The following KNL1 variants were observed in gnomAD, a reference collection of about 807,000 sequenced individuals.
The protein encoded by KNL1 is kinetochore scaffold 1, also known as outer kinetochore KNL1 complex subunit KNL1.
KNL1 carries 66 observed loss-of-function variants against 201.3 expected under a neutral mutation model. That is an observed-to-expected ratio of 0.33 (90% CI 0.27 to 0.40). The LOEUF (loss-of-function observed/expected upper bound fraction) is 0.40. Among genes scored for constraint, KNL1 ranks in the 10% least tolerant of loss-of-function variants. KNL1 has a pLI of 1.00. For missense variants in KNL1, 2,815 were observed against 2,690.5 expected (o/e 1.05, Z -1.02); for synonymous variants, 895 against 899.2 (o/e 1.00, Z 0.08).
In KNL1 at chr15:40,624,832, A is replaced by G; in HGVS notation, c.4568A>G (p.His1523Arg). ...AACTATAATACAGCTCTAGATTTCC[A>G]CAGTAACTCAGACGTAACTAAGCAA... is the stretch of plus-strand genomic sequence containing the variant. ...TTNYNTALDFHSNSDVTKQVI... is the reference protein window; with the variant it reads ...TTNYNTALDFRSNSDVTKQVI... The change falls in exon 10 of 26, where the codon CAC becomes CGC. Residue 1523 changes from histidine (H) to arginine (R), a missense_variant. Coordinates refer to ENST00000399668, the MANE Select transcript of KNL1 (RefSeq NM_144508.5). 1 of 1,613,306 alleles carries G rather than the reference A, an allele frequency of 6.2e-7. No individual in the cohort carries two copies. Among genetic ancestry groups the G allele is most frequent in the Non-Finnish European group, 8.5e-7 (1 of 1,179,916 alleles).
chr15:40,617,641 AC>A (rs1892383701), intron 8 of KNL1, among the ~76,000 whole-genome samples: 1 of 151,882 alleles, frequency 6.6e-6, no homozygotes, highest in Non-Finnish European at 1.5e-5. Context: ...CTCCCATAAC[AC>A]CTCTTTTATT....
chr15:40,644,210 G>A (rs538315198), intron 14 of KNL1, among the ~76,000 whole-genome samples: 2 of 152,204 alleles, frequency 1.3e-5, no homozygotes, highest in Non-Finnish European at 2.9e-5. Flanking sequence ...AAACATGTAA[G>A]CAATAGAATC....
chr15:40,630,319 T>C (rs182115644), intron 13 of KNL1, among the ~76,000 whole-genome samples: 15 of 149,940 alleles, frequency 1.0e-4, no homozygotes, highest in Admixed American at 7.9e-4. Context: ...AAAGAAAACA[T>C]TAATAAATTT....
intron 13 of KNL1, among the ~76,000 whole-genome samples, chr15:40,630,997 A>T (rs1892898268): frequency 6.6e-6 from 1 of 152,152 alleles, no homozygotes; most frequent in African/African-American, 2.4e-5. Context: ...ACACACCTGT[A>T]GTCCCCGCTA....
In KNL1 at chr15:40,623,171, A is replaced by C. The variant is rs201839923; in HGVS notation, c.2907A>C (p.Arg969Ser). The change falls in exon 10 of 26, where the codon AGA becomes AGC. Residue 969 changes from arginine to serine, a missense_variant. Physicochemically the swap from Arg to Ser is moderately radical, Grantham distance 110. Transcript: ENST00000399668. ...TVFIDYQEKE[R>S]TDRPNFELSQ... is the part of the protein sequence containing the mutation. ...TCATTGACTACCAAGAAAAGGAAAG[A>C]ACAGACAGACCTAACTTTGAACTAT... 3.5e-5 allele frequency: 56 copies of C among 1,614,026 alleles called. No individual in the cohort carries two copies. In the East Asian group the frequency reaches 1.2e-3, roughly 36 times the overall value.
intron 1 of KNL1, among the ~76,000 whole-genome samples, chr15:40,594,839 G>A (rs1299829691): frequency 6.6e-6 from 1 of 152,228 alleles, no homozygotes; most frequent in Admixed American, 6.5e-5. Flanking sequence ...AAAATTCTCA[G>A]CTCTTCGTGG....
intron 7 of KNL1, among the ~76,000 whole-genome samples, chr15:40,613,871 C>T (rs1472960605): frequency 6.6e-6 from 1 of 152,114 alleles, no homozygotes; most frequent in African/African-American, 2.4e-5. Flanking sequence ...CATCTCGGCC[C>T]ACTGCAAGCT....
chr15:40,652,125 T>A lies in KNL1; in HGVS notation c.6415+20T>A. The A allele has an allele frequency of 6.6e-7, 1 of 1,515,152 alleles. No homozygotes were observed. The highest frequency in any genetic ancestry group is 9.2e-7 in the Non-Finnish European group (1 of 1,091,404). 93.9% of individuals were successfully genotyped at this position (1,515,152 alleles called of 1,614,324 possible). On this transcript the variant is annotated intron_variant, in intron 21 of 25. Coordinates refer to ENST00000399668, the MANE Select transcript of KNL1 (RefSeq NM_144508.5). ...CAGTTGGTAAGGAGCCAAAGTGAGA[T>A]AATTCTTTTACAGAAAAATGAATGG...
chr15:40,659,048 G>A (rs1893825896), intron 24 of KNL1, among the ~76,000 whole-genome samples: 1 of 152,118 alleles, frequency 6.6e-6, no homozygotes, highest in Non-Finnish European at 1.5e-5. Context: ...AACACTTTGG[G>A]TGGTGAGGCA....
Position 40,620,935 on chromosome 15 carries a change from C to G in KNL1, c.671C>G (p.Thr224Arg), listed in dbSNP as rs756188266. 6.2e-7 allele frequency: 1 copy of G among 1,602,860 alleles called. No individual in the cohort carries two copies. The highest frequency in any genetic ancestry group is 8.5e-7 in the Non-Finnish European group (1 of 1,177,162). The change falls in exon 10 of 26, where the codon ACA becomes AGA. Residue 224 changes from threonine to arginine, a missense_variant. Coordinates refer to ENST00000399668, the MANE Select transcript of KNL1 (RefSeq NM_144508.5). ...AATGACTTCATAAAAAGATTGAAAA[C>G]AGGAAAATGTAGTGCTTTTCCTGAT... ...DFNDFIKRLK[T>R]GKCSAFPDVP...
At chr15:40,646,063 C>T (rs149710819) in intron 16 of KNL1, among the ~76,000 whole-genome samples, 1 of 152,120 alleles carries the variant, frequency 6.6e-6, no homozygotes, top group Non-Finnish European at 1.5e-5. Flanking sequence ...AAGGACTATA[C>T]CATAGTATTA....
At position 40,663,442 on chromosome 15, in the gene KNL1, T is replaced by C. The variant is rs193136921; in HGVS notation, c.*1254T>C. On this transcript the variant is annotated 3_prime_UTR_variant, in exon 26 of 26. Transcript: ENST00000399668. Reference sequence around the variant, plus strand: ...ATATGTAAATATATTAATGTTGTTTTTGTGTTTGTGATGTAGTAAGGAGAT... The same window carrying C: ...ATATGTAAATATATTAATGTTGTTTCTGTGTTTGTGATGTAGTAAGGAGAT... 9.0e-4 allele frequency: 167 copies of C among 184,788 alleles called. No individual in the cohort carries two copies. Among genetic ancestry groups the C allele is most frequent in the Admixed American group, 1.4e-3 (23 of 16,052 alleles). The allele number at this position is 184,788 out of a possible 1,614,324, so 11.4% of individuals were successfully genotyped here. A position where few individuals can be genotyped will look rare whatever the true frequency, so the allele number is the denominator to read the frequency against.
intron 22 of KNL1, among the ~76,000 whole-genome samples, chr15:40,655,183 A>G (rs915452246): frequency 6.6e-6 from 1 of 152,094 alleles, no homozygotes; most frequent in African/African-American, 2.4e-5. Flanking sequence ...CTGTAGCCCT[A>G]GCTACTCAGG....
At chr15:40,654,730 G>T (rs571755988) in intron 21 of KNL1, among the ~76,000 whole-genome samples, 179 bp from the exon 22 acceptor site, 196 of 152,114 alleles carry the variant, frequency 1.3e-3, no homozygotes, top group African/African-American at 4.6e-3. Context: ...TTAGCCAGGT[G>T]TGGTGGCGGG....
intron 21 of KNL1, among the ~76,000 whole-genome samples, chr15:40,652,559 CA>C (rs1413968769): frequency 3.3e-5 from 5 of 149,820 alleles, no homozygotes; most frequent in Non-Finnish European, 7.4e-5. Context: ...CATCTGAGGT[CA>C]GGAGTTCGAA....
At chr15:40,650,649 C>G (rs1893529071) in intron 19 of KNL1, 66 bp downstream of exon 19, 14 of 1,370,054 alleles carry the variant, frequency 1.0e-5, no homozygotes, top group African/African-American at 3.0e-5. Context: ...TGACTTCCTG[C>G]CTCCAGAGAC....
At position 40,621,669 on chromosome 15, in the gene KNL1, A is replaced by G; in HGVS notation, c.1405A>G (p.Met469Val). 6.2e-7 allele frequency: 1 copy of G among 1,612,614 alleles called. No individual in the cohort carries two copies. The highest frequency in any genetic ancestry group is 1.1e-5 in the South Asian group (1 of 91,004). ...YAKMYCNPDA[M>V]SSLTEKTIYS... ...TAAAATGTATTGCAATCCAGATGCTATGTCTTCTCTCACAGAGAAAACTAT... is the reference window on the plus strand; with the variant it reads ...TAAAATGTATTGCAATCCAGATGCTGTGTCTTCTCTCACAGAGAAAACTAT... The change falls in exon 10 of 26, where the codon ATG becomes GTG. Residue 469 changes from methionine (M) to valine (V), a missense_variant. Physicochemically the swap from Met to Val is conservative, Grantham distance 21. Transcript: ENST00000399668.
rs755915407 is a variant in KNL1 at position 40,622,631 on chromosome 15, C to T, written c.2367C>T (p.His789=). Residue 789 remains histidine, a synonymous_variant, in exon 10 of 26, where the codon CAC becomes CAT. Transcript: ENST00000399668. The part of the protein sequence containing the change: ...LQELGKTNLE[H]TTGQLTTMNR... ...AACTTGGTAAAACTAATTTAGAACACACTACTGGCCAGCTAACAACAATGA... is the reference window on the plus strand; with the variant it reads ...AACTTGGTAAAACTAATTTAGAACATACTACTGGCCAGCTAACAACAATGA... 1 of 1,595,258 alleles carries T rather than the reference C, an allele frequency of 6.3e-7. No individual in the cohort carries two copies. Among genetic ancestry groups the T allele is most frequent in the East Asian group, 2.2e-5 (1 of 44,812 alleles).
intron 17 of KNL1, among the ~76,000 whole-genome samples, chr15:40,649,214 C>A (rs1202448462): frequency 6.6e-6 from 1 of 151,760 alleles, no homozygotes; most frequent in East Asian, 1.9e-4. Flanking sequence ...TTCATATCTT[C>A]TACAGTTGTT....
Sources: gnomAD v4.1 joint callset for allele counts (sites outside exome capture counted in the v4.1 genomes callset) on GRCh38, gnomAD v4.1.1 for gene constraint, MANE v1.5 for transcripts, NCBI Gene and HGNC (gene_info 2026-07-23, HGNC 2026-07-21) for gene names.